PPCS: variants seen among roughly 807,000 people sequenced by gnomAD.
PPCS encodes the protein phosphopantothenoylcysteine synthetase, also known as phosphopantothenate--cysteine ligase.
A neutral mutation model predicts 24.6 loss-of-function variants in PPCS; 17 were observed. The observed-to-expected ratio is 0.69, with a 90% CI of 0.47 to 1.04. The LOEUF is 1.04. PPCS is among the 50% of genes least tolerant of loss of function. PPCS has a pLI of 0.00. For synonymous variants in PPCS, 190 were observed against 168.3 expected (o/e 1.13, Z -1.00); for missense variants, 360 against 402.8 (o/e 0.89, Z 0.91).
chr1:42,471,107 A>G (rs1643756399), intron 2 of PPCS, among the ~76,000 whole-genome samples: 1 of 152,180 alleles, frequency 6.6e-6, no homozygotes, highest in Non-Finnish European at 1.5e-5. Context: ...GGGCAGCTAA[A>G]TAAAATGTGC....
chr1:42,473,385 A>G, exon 3 of PPCS: 1 of 782,776 alleles, frequency 1.3e-6, no homozygotes, highest in Non-Finnish European at 1.7e-6. Context: ...TTAAAAACTA[A>G]TGTTTGGCTA....
At chr1:42,461,513 T>C (rs1018254586), downstream of PPCS, among the ~76,000 whole-genome samples, 1 of 152,090 alleles carries the variant, frequency 6.6e-6, no homozygotes, top group Non-Finnish European at 1.5e-5. Flanking sequence ...ATATTTTATT[T>C]TTCATAGAGA....
downstream of PPCS, among the ~76,000 whole-genome samples, chr1:42,463,153 CG>C (rs774400732): frequency 1.5e-3 from 228 of 152,362 alleles, no homozygotes; most frequent in Non-Finnish European, 2.5e-3. Flanking sequence ...ACTCCGCCCC[CG>C]ACCCGAAGGC....
At chr1:42,465,037 T>A (rs372440611), downstream of PPCS, among the ~76,000 whole-genome samples, 3 of 152,336 alleles carry the variant, frequency 2.0e-5, no homozygotes, top group Admixed American at 6.5e-5. Flanking sequence ...AGATGCTATA[T>A]TGTAAGGGGC....
downstream of PPCS, among the ~76,000 whole-genome samples, chr1:42,461,548 CTCTT>C (rs1162086198): frequency 1.4e-5 from 2 of 146,378 alleles, no homozygotes; most frequent in Non-Finnish European, 3.0e-5. Context: ...GTTACCCAGG[CTCTT>C]TTTTTTTTTT....
chr1:42,456,775 C>G lies in PPCS; in HGVS notation c.210C>G (p.Ala70=), dbSNP rs749940969. The G allele has an allele frequency of 2.5e-6, 4 of 1,612,578 alleles. No homozygotes were observed. The highest frequency in any genetic ancestry group is 2.7e-5 in the African/African-American group (2 of 74,936). ...GCGGGCGGCGCGGTGCAACCTCGGC[C>G]GAGGCCTTCCTAGCCGCCGGCTACG... is the stretch of plus-strand genomic sequence containing the variant. The part of the protein sequence containing the change: ...FSSGRRGATS[A]EAFLAAGYGV... The change falls in exon 1 of 3, where the codon GCC becomes GCG. Residue 70 remains alanine (A), a synonymous_variant. Transcript: ENST00000372561.
At chr1:42,470,524 C>T (rs1643735303) in intron 2 of PPCS, among the ~76,000 whole-genome samples, 1 of 152,186 alleles carries the variant, frequency 6.6e-6, no homozygotes, top group African/African-American at 2.4e-5. Context: ...TTCATAGCAG[C>T]ATCATTCACA....
chr1:42,460,155 C>T lies in PPCS; in HGVS notation c.*229C>T, dbSNP rs1227848588. 1.6e-6 allele frequency: 2 copies of T among 1,254,404 alleles called. No individual in the cohort carries two copies. The highest frequency in any genetic ancestry group is 1.5e-5 in the African/African-American group (1 of 66,230). The allele number at this position is 1,254,404 out of a possible 1,614,324, so 77.7% of individuals were successfully genotyped here. A position where few individuals can be genotyped will look rare whatever the true frequency, so the allele number is the denominator to read the frequency against. Reference sequence around the variant, plus strand: ...TGTTAATCACCTTTAAAAAGAAGAGCTTATTGGGAATTATATATTCCTTAA... The same window carrying T: ...TGTTAATCACCTTTAAAAAGAAGAGTTTATTGGGAATTATATATTCCTTAA... On this transcript the variant is annotated 3_prime_UTR_variant, in exon 3 of 3. Transcript: ENST00000372561.
At chr1:42,461,662 T>A (rs1168979570), downstream of PPCS, among the ~76,000 whole-genome samples, 1 of 151,470 alleles carries the variant, frequency 6.6e-6, no homozygotes, top group African/African-American at 2.4e-5. Context: ...TTCTCCTTCC[T>A]CAGCCTCCCT....
chr1:42,457,716 G>A (rs1643267509), intron 2 of PPCS: 1 of 192,540 alleles, frequency 5.2e-6, no homozygotes, highest in South Asian at 8.5e-5. Context: ...ACTTTGGGAG[G>A]CCAAGGAGGG....
chr1:42,469,204 C>A (rs1052755789), intron 2 of PPCS, among the ~76,000 whole-genome samples: 14 of 151,940 alleles, frequency 9.2e-5, no homozygotes, highest in African/African-American at 3.1e-4. Flanking sequence ...CATATAAGAC[C>A]CTCGTCTCTA....
chr1:42,463,289 A>T (rs1419605256), downstream of PPCS: 4 of 152,196 alleles, frequency 2.6e-5, no homozygotes, highest in African/African-American at 9.6e-5. Context: ...CGCGGTTGCT[A>T]TGACGCCCAG....
At chr1:42,463,243 C>G (rs549985976), downstream of PPCS, 3 of 152,402 alleles carry the variant, frequency 2.0e-5, no homozygotes, top group South Asian at 6.2e-4. Flanking sequence ...CTCTATGGTT[C>G]CCGCCGGAAG....
rs1191882750 is a variant in PPCS, at chr1:42,460,618, G to A, written c.*692G>A. ...TTAACTTAATATGTCCTTCCACCTG[G>A]GACCAGGCAGGGGCCACTTGGTGAT... is the stretch of plus-strand genomic sequence containing the variant. On this transcript the variant is annotated 3_prime_UTR_variant, in exon 3 of 3. Coordinates refer to ENST00000372561, the MANE Select transcript of PPCS (RefSeq NM_024664.4). 6.6e-6 allele frequency among the ~76,000 whole-genome samples: 1 copy of A among 152,132 alleles called. No individual in the cohort carries two copies. The highest frequency in any genetic ancestry group is 1.5e-5 in the Non-Finnish European group (1 of 68,028).
In PPCS at chr1:42,460,850, GC is replaced by G. The variant is rs1643392065; in HGVS notation, c.*926del. The stretch of plus-strand genomic sequence containing the variant: ...AGCAAAAAGAAAGCATCAGTCTGGT[GC>G]CTAGCATTTGATTCACACTCACTAA... On this transcript the variant is annotated 3_prime_UTR_variant, in exon 3 of 3. Transcript: ENST00000372561. 6.6e-6 allele frequency among the ~76,000 whole-genome samples: 1 copy of G among 152,250 alleles called. No homozygotes were observed. The highest frequency in any genetic ancestry group is 6.5e-5 in the Admixed American group (1 of 15,286).
In PPCS at chr1:42,459,780, C is replaced by T; in HGVS notation, c.790C>T (p.Gln264Ter). The T allele has an allele frequency of 6.2e-7, 1 of 1,614,140 alleles. No individual in the cohort carries two copies. The highest frequency in any genetic ancestry group is 8.5e-7 in the Non-Finnish European group (1 of 1,180,022). The change falls in exon 3 of 3, where the codon CAG (glutamine) becomes TAG (stop). Residue 264 changes from glutamine to a stop codon, truncating the protein, a stop_gained. Coordinates refer to ENST00000372561, the MANE Select transcript of PPCS (RefSeq NM_024664.4). LOFTEE classifies it high-confidence loss of function. The part of the protein sequence containing the change: ...VVVANILESR[Q>*]SFVFIVTKDS... ...GGTGGCTAATATCCTTGAGTCACGACAGTCCTTTGTGTTTATTGTAACCAA... is the reference window on the plus strand; with the variant it reads ...GGTGGCTAATATCCTTGAGTCACGATAGTCCTTTGTGTTTATTGTAACCAA...
At chr1:42,462,051 A>G (rs773959711), downstream of PPCS, among the ~76,000 whole-genome samples, 1 of 152,184 alleles carries the variant, frequency 6.6e-6, no homozygotes, top group Non-Finnish European at 1.5e-5. Context: ...AAGTGATCTT[A>G]ATGTTTGTCT....
At chr1:42,463,114 T>G (rs1420848108), downstream of PPCS, among the ~76,000 whole-genome samples, 1 of 152,232 alleles carries the variant, frequency 6.6e-6, no homozygotes, top group African/African-American at 2.4e-5. Context: ...GCCAATGGAA[T>G]GAGTTGTACT....
Position 42,456,901 on chromosome 1 carries a change from T to G in PPCS, c.336T>G (p.Leu112=). The change falls in exon 1 of 3, where the codon CTT becomes CTG. Residue 112 remains leucine (L), a synonymous_variant. Transcript: ENST00000372561. ...CTCTGCGGCCTTCGGGCCCAGCCCT[T>G]TCGGGCTTGCTGAGCCTGGAGGCCG... ...LSALRPSGPA[L]SGLLSLEAEE... The G allele has an allele frequency of 6.2e-7, 1 of 1,612,136 alleles. No individual in the cohort carries two copies. The highest frequency in any genetic ancestry group is 8.5e-7 in the Non-Finnish European group (1 of 1,180,014).
Sources: gnomAD v4.1 joint callset for allele counts (sites outside exome capture counted in the v4.1 genomes callset) on GRCh38, gnomAD v4.1.1 for gene constraint, MANE v1.5 for transcripts, NCBI Gene and HGNC (gene_info 2026-07-23, HGNC 2026-07-21) for gene names.